The following GRIK3 variants were observed in gnomAD, a reference collection of about 807,000 sequenced individuals.
The protein encoded by GRIK3 is glutamate receptor ionotropic, kainate 3.
Under a neutral mutation model 102.5 loss-of-function variants are expected in GRIK3, and 29 were observed. That is an observed-to-expected ratio of 0.28 (90% CI 0.21 to 0.39). The LOEUF (loss-of-function observed/expected upper bound fraction) is 0.39. GRIK3 is among the 10% of genes least tolerant of loss of function. The pLI is 1.00. For synonymous variants in GRIK3, 511 were observed against 504.9 expected, an observed-to-expected ratio of 1.01 and a Z score of -0.16; for missense variants, 908 against 1,252.4, an observed-to-expected ratio of 0.73 and a Z score of 4.15.
intron 1 of GRIK3, among the ~76,000 whole-genome samples, chr1:36,986,039 T>A (rs1642300865): frequency 6.6e-6 from 1 of 152,008 alleles, no homozygotes; most frequent in African/African-American, 2.4e-5. Context: ...GGAGCACAGC[T>A]TCCCCCAGCT....
chr1:36,862,113 A>G (rs1640733872), intron 5 of GRIK3, among the ~76,000 whole-genome samples: 1 of 152,118 alleles, frequency 6.6e-6, no homozygotes, highest in South Asian at 2.1e-4. Context: ...TCAAAGTTGA[A>G]TTTGTACCCA....
At chr1:37,011,794 T>C (rs908879747) in intron 1 of GRIK3, among the ~76,000 whole-genome samples, 4 of 152,154 alleles carry the variant, frequency 2.6e-5, no homozygotes, top group Admixed American at 6.5e-5. Context: ...CTGTTATGAC[T>C]CCTAGCTCTT....
intron 1 of GRIK3, among the ~76,000 whole-genome samples, chr1:36,962,633 G>T (rs1388795713): frequency 7.3e-6 from 1 of 136,288 alleles, no homozygotes; most frequent in African/African-American, 2.9e-5. Context: ...TGAGAGAGAG[G>T]GAGAGGAAGA....
chr1:36,903,811 A>G (rs1452727683), intron 1 of GRIK3, among the ~76,000 whole-genome samples: 1 of 152,190 alleles, frequency 6.6e-6, no homozygotes, highest in Non-Finnish European at 1.5e-5. Context: ...CAGCGGGTGG[A>G]GGAGGGAGAG....
Position 36,841,988 on chromosome 1 carries a change from G to A in GRIK3, c.1327-49C>T, listed in dbSNP as rs374023020. Reference sequence around the variant, plus strand: ...GTGACGAAGACTGAGCAGCTAGGGCGGAGGCAGGCTTGCACTGGAGAGTCA... The same window carrying A: ...GTGACGAAGACTGAGCAGCTAGGGCAGAGGCAGGCTTGCACTGGAGAGTCA... On this transcript the variant is annotated intron_variant, in intron 9 of 15. Coordinates refer to ENST00000373091, the MANE Select transcript of GRIK3 (RefSeq NM_000831.4). The A allele has an allele frequency of 8.6e-5, 128 of 1,486,386 alleles. No homozygotes were observed. In the African/African-American group the frequency reaches 9.2e-4, roughly 11 times the overall value. The allele number at this position is 1,486,386 out of a possible 1,614,324, so 92.1% of individuals were successfully genotyped here.
At chr1:36,949,544 T>C (rs1395627229) in intron 1 of GRIK3, among the ~76,000 whole-genome samples, 1 of 151,684 alleles carries the variant, frequency 6.6e-6, no homozygotes, top group Non-Finnish European at 1.5e-5. Context: ...CTTTCTTTTC[T>C]TTCTTTTTTT....
chr1:36,991,084 A>G (rs1177683594), intron 1 of GRIK3, among the ~76,000 whole-genome samples: 1 of 152,100 alleles, frequency 6.6e-6, no homozygotes, highest in African/African-American at 2.4e-5. Flanking sequence ...TGAGCCCCAG[A>G]GTCTGTATCA....
chr1:36,925,297 C>T (rs568619652), intron 1 of GRIK3, among the ~76,000 whole-genome samples: 36 of 152,326 alleles, frequency 2.4e-4, no homozygotes, highest in African/African-American at 8.4e-4. Context: ...ACACATTGCA[C>T]AACCAAACCC....
intron 9 of GRIK3, among the ~76,000 whole-genome samples, chr1:36,842,516 G>A (rs527347097): frequency 5.9e-5 from 9 of 152,316 alleles, no homozygotes; most frequent in African/African-American, 1.9e-4. Flanking sequence ...CAATTTAAAA[G>A]ATTAGATTTA....
At chr1:36,969,156 G>A (rs1261263963) in intron 1 of GRIK3, among the ~76,000 whole-genome samples, 3 of 152,150 alleles carry the variant, frequency 2.0e-5, no homozygotes, top group African/African-American at 4.8e-5. Flanking sequence ...AGGTTACCAT[G>A]CCAAGAGTGT....
At chr1:36,824,209 G>C (rs1178799661) in intron 11 of GRIK3, among the ~76,000 whole-genome samples, 1 of 152,230 alleles carries the variant, frequency 6.6e-6, no homozygotes, top group Non-Finnish European at 1.5e-5. Flanking sequence ...CCAGGAATGA[G>C]AGGGGGATGG....
chr1:36,959,651 T>A (rs1266032005), intron 1 of GRIK3, among the ~76,000 whole-genome samples: 2 of 131,952 alleles, frequency 1.5e-5, no homozygotes, highest in African/African-American at 5.3e-5. Context: ...ATGTGTCCCA[T>A]AAGCTTGTAT....
At chr1:36,815,319 G>A (rs1363178881) in intron 13 of GRIK3, among the ~76,000 whole-genome samples, 2 of 152,168 alleles carry the variant, frequency 1.3e-5, no homozygotes, top group South Asian at 2.1e-4. Context: ...GCTGGGCAGC[G>A]GGGAGGGGAG....
rs1570734230 is a variant in GRIK3 at position 36,805,311 on chromosome 1, G to A, written c.2315-74C>T. On this transcript the variant is annotated intron_variant, in intron 14 of 15. Coordinates refer to ENST00000373091, the MANE Select transcript of GRIK3 (RefSeq NM_000831.4). Reference sequence around the variant, plus strand: ...CTGTGTTTGGCTCTGCCAACACCCTGGTCAGGTCACCACCACTAGCCCTCT... The same window carrying A: ...CTGTGTTTGGCTCTGCCAACACCCTAGTCAGGTCACCACCACTAGCCCTCT... The A allele has an allele frequency of 5.4e-6, 8 of 1,492,732 alleles. No individual in the cohort carries two copies. The East Asian group carries it at 1.8e-4, about 34-fold the overall frequency. 92.5% of individuals were successfully genotyped at this position (1,492,732 alleles called of 1,614,324 possible).
chr1:36,956,221 C>T (rs1410392446), intron 1 of GRIK3, among the ~76,000 whole-genome samples: 1 of 152,192 alleles, frequency 6.6e-6, no homozygotes, highest in Non-Finnish European at 1.5e-5. Context: ...GGAAGAGGCC[C>T]TTGGAAGACA....
chr1:36,967,909 T>A (rs569801495), intron 1 of GRIK3, among the ~76,000 whole-genome samples: 89 of 152,342 alleles, frequency 5.8e-4, no homozygotes, highest in African/African-American at 1.8e-3. Flanking sequence ...GTGATAATAA[T>A]GACATACTTT....
At chr1:36,807,327 C>T (rs1413162851) in intron 13 of GRIK3, among the ~76,000 whole-genome samples, 1 of 152,122 alleles carries the variant, frequency 6.6e-6, no homozygotes, top group South Asian at 2.1e-4. Flanking sequence ...CATGAGATTT[C>T]TTGGGAACTT....
chr1:36,907,735 T>C (rs1641299410), intron 1 of GRIK3, among the ~76,000 whole-genome samples: 1 of 152,022 alleles, frequency 6.6e-6, no homozygotes, highest in Non-Finnish European at 1.5e-5. Flanking sequence ...GGTGTTCTAA[T>C]GAGTGTGTAA....
chr1:36,933,370 C>T (rs1047313826), intron 1 of GRIK3, among the ~76,000 whole-genome samples: 1 of 152,168 alleles, frequency 6.6e-6, no homozygotes, highest in Non-Finnish European at 1.5e-5. Context: ...CTGCCTGAAC[C>T]GACTGCTGAT....
Sources: gnomAD v4.1 joint callset for allele counts (sites outside exome capture counted in the v4.1 genomes callset) on GRCh38, gnomAD v4.1.1 for gene constraint, MANE v1.5 for transcripts, NCBI Gene and HGNC (gene_info 2026-07-23, HGNC 2026-07-21) for gene names.